The following NBEAL1 variants were observed in gnomAD, a reference collection of about 807,000 sequenced individuals.
The protein encoded by NBEAL1 is neurobeachin like 1, also known as neurobeachin-like protein 1.
In NBEAL1, 273 loss-of-function variants were observed where a neutral mutation model predicts 351.3. That is an observed-to-expected ratio of 0.78 (90% CI 0.70 to 0.86). The LOEUF (loss-of-function observed/expected upper bound fraction) is 0.86, where lower values mean the gene tolerates loss of function less well. Ranked by LOEUF, NBEAL1 falls within the 40% of genes least tolerant of loss-of-function variation. The probability of loss-of-function intolerance (pLI) is 0.00; values close to 1 mark genes in which losing one functional copy is unlikely to be tolerated. For synonymous variants in NBEAL1, 1,050 were observed against 1,086.4 expected (o/e 0.97, Z 0.66); for missense variants, 2,961 against 3,201.3 (o/e 0.92, Z 1.81).
At chr2:203,148,828 A>G (rs1387875077) in intron 33 of NBEAL1, among the ~76,000 whole-genome samples, 163 bp from the exon 34 acceptor site, 1 of 152,002 alleles carries the variant, frequency 6.6e-6, no homozygotes, top group Non-Finnish European at 1.5e-5. Flanking sequence ...ACACTTCATC[A>G]AAGAAAATGA....
intron 16 of NBEAL1, 100 bp from the exon 17 acceptor site, chr2:203,112,915 T>G: frequency 8.9e-7 from 1 of 1,126,946 alleles, no homozygotes; most frequent in Non-Finnish European, 1.2e-6. Flanking sequence ...TTCAATGTAT[T>G]TATTTGTGTA....
chr2:203,122,729 T>G (rs1054322728), intron 19 of NBEAL1, among the ~76,000 whole-genome samples: 3 of 152,208 alleles, frequency 2.0e-5, no homozygotes, highest in Non-Finnish European at 2.9e-5. Flanking sequence ...AGCTGGAACT[T>G]TGCTTCCATC....
chr2:203,167,326 AC>A lies in NBEAL1; in HGVS notation c.5965del (p.Gln1989AsnfsTer44), dbSNP rs1240846407. ...RRSALEIFHV[D>X]QSNYFLNFKK... ...TCAGCCCTTGAGATTTTTCATGTTGACCAATCCAACTACTTTCTCAATTTCA... is the reference window on the plus strand; with the variant it reads ...TCAGCCCTTGAGATTTTTCATGTTGACAATCCAACTACTTTCTCAATTTCA... On this transcript the variant is annotated frameshift_variant, in exon 38 of 56. Transcript: ENST00000683969. LOFTEE classifies it high-confidence loss of function. 2 of 1,611,898 alleles carry A rather than the reference AC, an allele frequency of 1.2e-6. No homozygotes were observed. The highest frequency in any genetic ancestry group is 1.7e-6 in the Non-Finnish European group (2 of 1,179,196).
chr2:203,148,869 A>G (rs1304380006), intron 33 of NBEAL1, 122 bp from the exon 34 acceptor site: 1 of 714,286 alleles, frequency 1.4e-6, no homozygotes, highest in African/African-American at 1.8e-5. Context: ...CCTATTGGTT[A>G]CTTAGCTTCT....
At chr2:203,123,132 T>G (rs1396271952) in intron 19 of NBEAL1, among the ~76,000 whole-genome samples, 1 of 34,502 alleles carries the variant, frequency 2.9e-5, no homozygotes, top group Non-Finnish European at 5.2e-5. Flanking sequence ...TGCTGGTAAA[T>G]CAGGAAAAAA....
At chr2:203,079,347 G>A (rs2061832912) in intron 8 of NBEAL1, among the ~76,000 whole-genome samples, 1 of 152,134 alleles carries the variant, frequency 6.6e-6, no homozygotes, top group African/African-American at 2.4e-5. Flanking sequence ...CTCCCAAAGT[G>A]CTAGGATTAC....
At chr2:203,178,160 C>CT in intron 42 of NBEAL1, among the ~76,000 whole-genome samples, 1 of 136,480 alleles carries the variant, frequency 7.3e-6, no homozygotes, top group African/African-American at 2.7e-5. Context: ...TTTTTTTTTT[C>CT]TTTTTTCTTT....
intron 24 of NBEAL1, among the ~76,000 whole-genome samples, chr2:203,128,935 A>G (rs757042052): frequency 8.5e-5 from 13 of 152,188 alleles, no homozygotes; most frequent in Non-Finnish European, 1.6e-4. Context: ...ATAAAATATT[A>G]CATAAAGAGT....
Position 203,151,461 on chromosome 2 carries a change from T to C in NBEAL1, c.5463-4T>C. The C allele has an allele frequency of 6.3e-7, 1 of 1,579,536 alleles. No individual in the cohort carries two copies. Among genetic ancestry groups the C allele is most frequent in the Non-Finnish European group, 8.6e-7 (1 of 1,164,014 alleles). ...TTTACTTATTTGCTTATGAATATTC[T>C]TAGGAAACAGAATCCAATTCACTGG... On this transcript the variant is annotated splice_polypyrimidine_tract_variant and splice_region_variant and intron_variant, in intron 34 of 55. Coordinates refer to ENST00000683969, the MANE Select transcript of NBEAL1 (RefSeq NM_001378026.1).
chr2:203,197,254 C>A, intron 47 of NBEAL1, 48 bp from the exon 48 acceptor site: 2 of 1,053,390 alleles, frequency 1.9e-6, no homozygotes, highest in Non-Finnish European at 2.9e-6. Context: ...TAATTTGTAC[C>A]TAATAAAGAT....
chr2:203,102,492 G>A (rs1198789908), intron 12 of NBEAL1, among the ~76,000 whole-genome samples: 1 of 152,148 alleles, frequency 6.6e-6, no homozygotes, highest in Non-Finnish European at 1.5e-5. Flanking sequence ...TCAGTGCCTA[G>A]TTTGTTGAGG....
intron 41 of NBEAL1, 145 bp from the exon 42 acceptor site, chr2:203,174,999 AATG>A (rs1290343581): frequency 4.7e-6 from 3 of 637,824 alleles, no homozygotes; most frequent in Non-Finnish European, 7.6e-6. Flanking sequence ...AGTATGGTAT[AATG>A]ATATGAATAC....
intron 31 of NBEAL1, among the ~76,000 whole-genome samples, chr2:203,139,862 G>C (rs1040849916): frequency 6.6e-6 from 1 of 150,806 alleles, no homozygotes; most frequent in African/African-American, 2.4e-5. Flanking sequence ...CACTGCCCCC[G>C]GTCACTCTAT....
chr2:203,208,147 T>C (rs1440561126), intron 51 of NBEAL1, among the ~76,000 whole-genome samples: 1 of 151,822 alleles, frequency 6.6e-6, no homozygotes, highest in African/African-American at 2.4e-5. Context: ...TAGCCAGGCA[T>C]GGTGGTACAT....
At position 203,035,109 on chromosome 2, in the gene NBEAL1, A is replaced by G. The variant is rs145628507; in HGVS notation, c.52-6656A>G. Among the ~76,000 whole-genome samples the G allele has an allele frequency of 1.9e-4, 29 of 149,396 alleles. No homozygotes were observed. In the East Asian group the frequency reaches 4.6e-3, roughly 24 times the overall value. ...TGAAGAACTAGGGGAAATTGCATGG[A>G]TGATTTAATTCCATTATCCTCTCTA... is the stretch of plus-strand genomic sequence containing the variant. On this transcript the variant is annotated intron_variant, in intron 2 of 55. Coordinates refer to ENST00000683969, the MANE Select transcript of NBEAL1 (RefSeq NM_001378026.1).
At position 203,208,735 on chromosome 2, in the gene NBEAL1, G is replaced by A; in HGVS notation, c.7605G>A (p.Met2535Ile). 6.3e-7 allele frequency: 1 copy of A among 1,596,176 alleles called. No homozygotes were observed. Among genetic ancestry groups the A allele is most frequent in the Non-Finnish European group, 8.5e-7 (1 of 1,174,544 alleles). Residue 2535 changes from methionine (M) to isoleucine (I), a missense_variant, in exon 52 of 56, where the codon ATG becomes ATA. Coordinates refer to ENST00000683969, the MANE Select transcript of NBEAL1 (RefSeq NM_001378026.1). ...LSVGISTELD[M>I]AVSGSRDGTV... The stretch of plus-strand genomic sequence containing the variant: ...TCGGCATCAGCACTGAGCTAGACAT[G>A]GCAGTGTCAGGATCAAGGGTAAGAT...
intron 6 of NBEAL1, 119 bp downstream of exon 6, chr2:203,057,572 T>A: frequency 1.3e-6 from 1 of 750,262 alleles, no homozygotes; most frequent in Non-Finnish European, 2.1e-6. Flanking sequence ...CCCACAGATT[T>A]AACTCTGAGC....
chr2:203,100,898 C>G (rs1006325244), intron 12 of NBEAL1, among the ~76,000 whole-genome samples: 4 of 152,054 alleles, frequency 2.6e-5, no homozygotes, highest in Non-Finnish European at 4.4e-5. Flanking sequence ...ACTTTTTAGT[C>G]GGGTTATTTG....
chr2:203,152,773 A>C (rs897081224), intron 35 of NBEAL1, among the ~76,000 whole-genome samples: 2 of 152,108 alleles, frequency 1.3e-5, no homozygotes, highest in African/African-American at 4.8e-5. Context: ...ACAGTGGCTC[A>C]TGCCTGTAAT....
Sources: allele counts gnomAD v4.1 joint callset (sites outside exome capture counted in the v4.1 genomes callset), GRCh38; gene constraint gnomAD v4.1.1; transcripts MANE v1.5; gene names NCBI Gene and HGNC (gene_info 2026-07-23, HGNC 2026-07-21).